The following RASGRP3 variants were observed in gnomAD, a reference collection of about 807,000 sequenced individuals.
RASGRP3 encodes the protein ras guanyl-releasing protein 3.
RASGRP3 carries 54 observed loss-of-function variants against 82.7 expected under a neutral mutation model. The ratio of observed to expected loss-of-function variants is 0.65; its 90% CI spans 0.52 to 0.82. RASGRP3 has a LOEUF of 0.82. Ranked by LOEUF, RASGRP3 falls within the 40% of genes least tolerant of loss-of-function variation. The pLI is 0.00. For missense variants in RASGRP3, 861 were observed against 828.9 expected (o/e 1.04, Z -0.48); for synonymous variants, 309 against 300.5 (o/e 1.03, Z -0.29).
intron 1 of RASGRP3, chr2:33,493,163 A>G (rs1266306330): frequency 1.3e-5 from 2 of 152,244 alleles, no homozygotes; most frequent in African/African-American, 4.8e-5. Flanking sequence ...TCATCCATTT[A>G]GTAAAATAGG....
At chr2:33,513,441 T>G (rs1422105983) in intron 2 of RASGRP3, among the ~76,000 whole-genome samples, 1 of 152,240 alleles carries the variant, frequency 6.6e-6, no homozygotes, top group African/African-American at 2.4e-5. Flanking sequence ...GACAATGATT[T>G]GTTCATCTTG....
intron 3 of RASGRP3, among the ~76,000 whole-genome samples, chr2:33,515,577 TC>T (rs1671382910): frequency 6.6e-6 from 1 of 152,218 alleles, no homozygotes; most frequent in Non-Finnish European, 1.5e-5. Flanking sequence ...CCATCCCATA[TC>T]CCATTGTAAT....
In RASGRP3 at chr2:33,549,769, T is replaced by C. The variant is rs542573431; in HGVS notation, c.1542+18T>C. Reference sequence around the variant, plus strand: ...CGGGATTTGTAAGTCTGTTTTCCGTTGTTTTCTTATGTGTGTAGTTATTTG... The same window carrying C: ...CGGGATTTGTAAGTCTGTTTTCCGTCGTTTTCTTATGTGTGTAGTTATTTG... On this transcript the variant is annotated intron_variant, in intron 14 of 17. Transcript: ENST00000403687. 46 of 1,609,258 alleles carry C rather than the reference T, an allele frequency of 2.9e-5. No individual in the cohort carries two copies. The Admixed American group carries it at 5.6e-4, about 19-fold the overall frequency.
chr2:33,525,423 G>T (rs1044737057), intron 9 of RASGRP3, among the ~76,000 whole-genome samples: 4 of 151,728 alleles, frequency 2.6e-5, no homozygotes, highest in African/African-American at 9.7e-5. Flanking sequence ...CATGATAGTT[G>T]TTTTTCTTCT....
intron 5 of RASGRP3, 110 bp downstream of exon 5, chr2:33,520,124 A>G: frequency 1.2e-6 from 1 of 856,554 alleles, no homozygotes; most frequent in South Asian, 1.7e-5. Context: ...CTACTCTGAT[A>G]CCCCTCCCAC....
intron 1 of RASGRP3, among the ~76,000 whole-genome samples, chr2:33,446,188 C>T (rs1354492575): frequency 2.0e-5 from 3 of 152,104 alleles, no homozygotes; most frequent in Admixed American, 6.6e-5. Context: ...GACGGAGTCT[C>T]GCTCTGTCGC....
chr2:33,494,335 T>C (rs1392009969), intron 1 of RASGRP3, among the ~76,000 whole-genome samples: 1 of 152,170 alleles, frequency 6.6e-6, no homozygotes, highest in East Asian at 1.9e-4. Context: ...GCTGCACTGA[T>C]CAGTAAATAA....
chr2:33,531,249 A>G (rs1673083632), intron 10 of RASGRP3, among the ~76,000 whole-genome samples: 1 of 152,216 alleles, frequency 6.6e-6, no homozygotes, highest in Non-Finnish European at 1.5e-5. Flanking sequence ...GGATAAGAAC[A>G]TTTGTCAGAA....
rs11680495 is a variant in RASGRP3 at position 33,520,630 on chromosome 2, T to C, written c.314T>C (p.Val105Ala). 6,739 of 1,613,996 alleles carry C rather than the reference T, an allele frequency of 4.2e-3. 15 individuals carry two copies. Among genetic ancestry groups the C allele is most frequent in the Non-Finnish European group, 4.5e-3 (5,306 of 1,179,866 alleles). ...CGTATGACTGAGGAATTTCGGGAAGTAGCTAGTCAACTAGGATATGAAAAA... is the reference window on the plus strand; with the variant it reads ...CGTATGACTGAGGAATTTCGGGAAGCAGCTAGTCAACTAGGATATGAAAAA... ...LIRMTEEFRE[V>A]ASQLGYEKHV... Residue 105 changes from valine (V) to alanine (A), a missense_variant, in exon 6 of 18, where the codon GTA (valine) becomes GCA (alanine). Transcript: ENST00000403687.
chr2:33,436,976 TTAGAA>T (rs1664957665), intron 1 of RASGRP3, among the ~76,000 whole-genome samples: 1 of 152,126 alleles, frequency 6.6e-6, no homozygotes, highest in Admixed American at 6.5e-5. Flanking sequence ...GAATAATAGT[TTAGAA>T]TACTTTTAAT....
chr2:33,529,290 C>T (rs1356594892), intron 10 of RASGRP3, among the ~76,000 whole-genome samples: 3 of 151,330 alleles, frequency 2.0e-5, no homozygotes, highest in East Asian at 1.9e-4. Context: ...GTCAGGAGAT[C>T]GAGACCATCC....
At chr2:33,509,545 C>T (rs1251404430) in intron 1 of RASGRP3, among the ~76,000 whole-genome samples, 1 of 152,196 alleles carries the variant, frequency 6.6e-6, no homozygotes, top group Non-Finnish European at 1.5e-5. Flanking sequence ...TCATCTCTTG[C>T]CATAACACTT....
At chr2:33,554,180 G>T (rs1377856398) in intron 14 of RASGRP3, among the ~76,000 whole-genome samples, 2 of 152,146 alleles carry the variant, frequency 1.3e-5, no homozygotes, top group Admixed American at 6.5e-5. Context: ...CTTCACATTG[G>T]CTGTGACTTA....
At chr2:33,534,045 C>G (rs1673357564) in intron 10 of RASGRP3, 1 of 371,610 alleles carries the variant, frequency 2.7e-6, no homozygotes, top group Non-Finnish European at 4.9e-6. Context: ...TCACATATCC[C>G]TCATCCGTGA....
chr2:33,439,784 T>C (rs988119415), intron 1 of RASGRP3, among the ~76,000 whole-genome samples: 2 of 151,902 alleles, frequency 1.3e-5, no homozygotes, highest in Middle Eastern at 3.2e-3. Flanking sequence ...GGTGGGACTT[T>C]AATGGTGAAC....
At chr2:33,531,003 T>C (rs1474351278) in intron 10 of RASGRP3, 1 of 152,218 alleles carries the variant, frequency 6.6e-6, no homozygotes, top group African/African-American at 2.4e-5. Flanking sequence ...ACTTTTACCA[T>C]TTTGAGTACA....
At chr2:33,539,005 C>T (rs1673944596) in intron 11 of RASGRP3, 89 bp from the exon 12 acceptor site, 12 of 949,348 alleles carry the variant, frequency 1.3e-5, no homozygotes, top group Non-Finnish European at 1.7e-5. Flanking sequence ...CACCACTGCA[C>T]TCCAGCCTGG....
upstream of RASGRP3, among the ~76,000 whole-genome samples, chr2:33,474,493 G>C (rs1374055275): frequency 6.6e-6 from 1 of 152,120 alleles, no homozygotes; most frequent in Admixed American, 6.6e-5. Flanking sequence ...AGTAGAGACA[G>C]GGTTTTGCCA....
At chr2:33,442,514 C>A (rs1402007067) in intron 1 of RASGRP3, among the ~76,000 whole-genome samples, 1 of 152,228 alleles carries the variant, frequency 6.6e-6, no homozygotes, top group Admixed American at 6.5e-5. Flanking sequence ...TGATTTCTTG[C>A]TGTCATGGCT....
Sources: allele counts gnomAD v4.1 joint callset (sites outside exome capture counted in the v4.1 genomes callset), GRCh38; gene constraint gnomAD v4.1.1; transcripts MANE v1.5; gene names NCBI Gene and HGNC (gene_info 2026-07-23, HGNC 2026-07-21).